Variants in CSMD2 observed in about 807,000 individuals in gnomAD.
CSMD2 encodes the protein CUB and Sushi multiple domains 2.
A neutral mutation model predicts 398.5 loss-of-function variants in CSMD2; 130 were observed. The ratio of observed to expected loss-of-function variants is 0.33; its 90% CI spans 0.28 to 0.38. The LOEUF is 0.38. CSMD2 is among the 10% of genes least tolerant of loss of function. The pLI, the probability that CSMD2 is intolerant of heterozygous loss-of-function variation, is 1.00. For missense variants in CSMD2, 3,829 were observed against 4,764.9 expected (o/e 0.80, Z 5.78); for synonymous variants, 1,828 against 1,908.5 (o/e 0.96, Z 1.10).
intron 60 of CSMD2, among the ~76,000 whole-genome samples, chr1:33,538,680 G>A (rs948426534): frequency 1.3e-5 from 2 of 152,190 alleles, no homozygotes; most frequent in Non-Finnish European, 2.9e-5. Flanking sequence ...AAACACAAAC[G>A]GCTGACAAGT....
At chr1:33,757,051 A>G (rs770411) in intron 13 of CSMD2, among the ~76,000 whole-genome samples, 50,432 of 150,942 alleles carry the variant, frequency 0.33, 9,459 homozygotes, top group African/African-American at 0.5. Context: ...GTAAACTATC[A>G]CAAGGACAAA....
chr1:34,079,950 G>A (rs561968049), intron 2 of CSMD2, among the ~76,000 whole-genome samples: 61 of 152,114 alleles, frequency 4.0e-4, no homozygotes, highest in African/African-American at 1.4e-3. Flanking sequence ...TTAAAGGATA[G>A]TGACTCTTAG....
At chr1:33,872,142 C>T (rs933898824) in intron 5 of CSMD2, among the ~76,000 whole-genome samples, 1 of 152,196 alleles carries the variant, frequency 6.6e-6, no homozygotes, top group African/African-American at 2.4e-5. Context: ...AAGCTTAGTG[C>T]CACTATTGTC....
intron 14 of CSMD2, among the ~76,000 whole-genome samples, chr1:33,742,401 C>T (rs1240552021): frequency 1.3e-5 from 2 of 152,142 alleles, no homozygotes; most frequent in African/African-American, 2.4e-5. Context: ...ACTGGGGACT[C>T]GCCCTTCACA....
chr1:33,927,136 CA>C (rs1269167433), intron 4 of CSMD2, among the ~76,000 whole-genome samples: 7 of 152,184 alleles, frequency 4.6e-5, no homozygotes, highest in Non-Finnish European at 8.8e-5. Flanking sequence ...AGGAGTGCCC[CA>C]AAGTTGCGGC....
chr1:33,672,905 A>T (rs925883933), intron 25 of CSMD2, among the ~76,000 whole-genome samples: 11 of 152,320 alleles, frequency 7.2e-5, no homozygotes, highest in African/African-American at 1.2e-4. Context: ...GAGGGTCCTG[A>T]CTGTTAGAAG....
At chr1:33,687,976 T>C (rs1465902824) in intron 25 of CSMD2, among the ~76,000 whole-genome samples, 1 of 152,238 alleles carries the variant, frequency 6.6e-6, no homozygotes, top group African/African-American at 2.4e-5. Flanking sequence ...CAATGTCTAG[T>C]GATACTGCGT....
intron 9 of CSMD2, among the ~76,000 whole-genome samples, chr1:33,815,929 A>T (rs963750851): frequency 2.0e-5 from 3 of 152,184 alleles, no homozygotes; most frequent in African/African-American, 7.2e-5. Flanking sequence ...CTGAAAATAG[A>T]ACTCTGGATA....
chr1:33,600,925 C>T lies in CSMD2; in HGVS notation c.6796G>A (p.Val2266Ile). 5 of 1,614,096 alleles carry T rather than the reference C, an allele frequency of 3.1e-6. No homozygotes were observed. Among genetic ancestry groups the T allele is most frequent in the Admixed American group, 1.7e-5 (1 of 60,010 alleles). The change falls in exon 44 of 71, where the codon GTC becomes ATC. Residue 2266 changes from valine to isoleucine, a missense_variant. By Grantham distance (29) the Val-to-Ile change is conservative. Around this residue, in one of 5 missense-constraint regions of CSMD2, gnomAD observed 723 missense variants for 758.6 expected, o/e 0.95. Coordinates refer to ENST00000373381, the MANE Select transcript of CSMD2 (RefSeq NM_001281956.2). Reference sequence around the variant, plus strand: ...GCATCACGGTGGAACTTGAGCAGGACCTGGTTGGATGAACTCTGCACTGTT... The same window carrying T: ...GCATCACGGTGGAACTTGAGCAGGATCTGGTTGGATGAACTCTGCACTGTT... ...KKTVQSSSNQ[V>I]LLKFHRDAAT...
chr1:33,753,300 G>C (rs1225831090), intron 13 of CSMD2, among the ~76,000 whole-genome samples: 2 of 152,192 alleles, frequency 1.3e-5, no homozygotes, highest in Admixed American at 1.3e-4. Context: ...ACCAGGCCTG[G>C]GGCACTGCAG....
chr1:33,775,592 C>G (rs1651867473), intron 12 of CSMD2, among the ~76,000 whole-genome samples: 2 of 152,054 alleles, frequency 1.3e-5, no homozygotes, highest in African/African-American at 4.8e-5. Flanking sequence ...TTGGGTGTAC[C>G]CTCACTGAGA....
chr1:33,624,603 G>T lies in CSMD2; in HGVS notation c.5541C>A (p.Ile1847=), dbSNP rs148810947. The change falls in exon 35 of 71, where the codon ATC becomes ATA. Residue 1847 remains isoleucine, a synonymous_variant. Transcript: ENST00000373381. This position sits in a 1 kb window ranked among gnomAD's most constrained non-coding sequence, Gnocchi z 4.7. ...GGNLTERRGT[I]LSPGFPEPYL... Reference sequence around the variant, plus strand: ...ACGGCTCTGGGAAGCCAGGGGACAGGATGGTGCCCCTGCGCTCTGTGAGGT... The same window carrying T: ...ACGGCTCTGGGAAGCCAGGGGACAGTATGGTGCCCCTGCGCTCTGTGAGGT... 6.2e-7 allele frequency: 1 copy of T among 1,613,966 alleles called. No individual in the cohort carries two copies. The highest frequency in any genetic ancestry group is 1.1e-5 in the South Asian group (1 of 91,078).
chr1:33,704,228 TA>T (rs1304872699), intron 22 of CSMD2, among the ~76,000 whole-genome samples: 2 of 152,044 alleles, frequency 1.3e-5, no homozygotes, highest in Non-Finnish European at 2.9e-5. Context: ...ATTTTGAGTT[TA>T]TTAGTTGATT....
chr1:33,686,831 A>T (rs1192230165), intron 25 of CSMD2, among the ~76,000 whole-genome samples: 2 of 152,188 alleles, frequency 1.3e-5, no homozygotes, highest in Non-Finnish European at 2.9e-5. Context: ...TCCCACCCAC[A>T]GTACAGCACC....
chr1:33,716,465 C>A lies in CSMD2; in HGVS notation c.3038G>T (p.Ser1013Ile). Residue 1013 changes from serine to isoleucine, a missense_variant, in exon 20 of 71, where the codon AGT (serine) becomes ATT (isoleucine). This residue lies in a region of CSMD2 where 2,001 missense variants were observed against 2,567.1 expected (regional missense o/e 0.78). Transcript: ENST00000373381. ...AGTGATGAGGAGGTAGTCATGGCCA[C>A]TTTCCAGGTGGAAGGTGTGGAAAGT... The part of the protein sequence containing the change: ...FFTFHTFHLE[S>I]GHDYLLITEN... 6.2e-7 allele frequency: 1 copy of A among 1,613,822 alleles called. No homozygotes were observed. The highest frequency in any genetic ancestry group is 8.5e-7 in the Non-Finnish European group (1 of 1,180,002).
At chr1:33,951,400 A>G (rs1645004235) in intron 3 of CSMD2, among the ~76,000 whole-genome samples, 1 of 152,124 alleles carries the variant, frequency 6.6e-6, no homozygotes, top group Admixed American at 6.5e-5. Flanking sequence ...CACTCTACAA[A>G]AGGTGCTCTT....
rs144290192 is a variant in CSMD2, at chr1:33,612,648, A to T, written c.6134-1398T>A. On this transcript the variant is annotated intron_variant, in intron 40 of 70. Transcript: ENST00000373381. The stretch of plus-strand genomic sequence containing the variant: ...TTCACTCCCCAACTCATGAACATGC[A>T]GATTGTTTCCAAGTTGCAGATAATT... 5.0e-3 allele frequency among the ~76,000 whole-genome samples: 754 copies of T among 151,710 alleles called. 17 individuals are homozygous for T. The East Asian group carries it at 0.062, about 13-fold the overall frequency.
intron 41 of CSMD2, among the ~76,000 whole-genome samples, chr1:33,607,476 A>G (rs545609163): frequency 6.6e-6 from 1 of 152,314 alleles, no homozygotes. Context: ...GAGAGTGGTC[A>G]GAGCTTGCTT....
At chr1:33,607,367 C>T (rs867372997) in intron 41 of CSMD2, among the ~76,000 whole-genome samples, 7 of 152,226 alleles carry the variant, frequency 4.6e-5, no homozygotes, top group Middle Eastern at 3.4e-3. Flanking sequence ...TAAGGAAAGT[C>T]GAGGGGCCAT....
Sources: gnomAD v4.1 joint callset for allele counts (sites outside exome capture counted in the v4.1 genomes callset) on GRCh38, gnomAD v4.1.1 for gene constraint, gnomAD v4.1.1 regional missense constraint, Gnocchi (gnomAD v3.1) non-coding constraint, MANE v1.5 for transcripts, NCBI Gene and HGNC (gene_info 2026-07-23, HGNC 2026-07-21) for gene names.